CFAP52: variants seen among roughly 807,000 people sequenced by gnomAD.
CFAP52 encodes the protein cilia- and flagella-associated protein 52.
A neutral mutation model predicts 70.5 loss-of-function variants in CFAP52; 57 were observed. That is an observed-to-expected ratio of 0.81 (90% CI 0.65 to 1.01). The LOEUF (loss-of-function observed/expected upper bound fraction) is 1.01. CFAP52 is among the 50% of genes least tolerant of loss of function. The pLI, the probability that CFAP52 is intolerant of heterozygous loss-of-function variation, is 0.00. For synonymous variants in CFAP52, 267 were observed against 292.5 expected (o/e 0.91, Z 0.89); for missense variants, 785 against 788.5 (o/e 1.00, Z 0.05).
intron 5 of CFAP52, among the ~76,000 whole-genome samples, chr17:9,599,140 A>C (rs529346630): frequency 6.6e-6 from 1 of 152,186 alleles, no homozygotes; most frequent in Non-Finnish European, 1.5e-5. Flanking sequence ...GATTTTCTTC[A>C]GATTTTGGAG....
chr17:9,599,291 G>T (rs1909160699), intron 5 of CFAP52, among the ~76,000 whole-genome samples: 1 of 152,154 alleles, frequency 6.6e-6, no homozygotes, highest in African/African-American at 2.4e-5. Context: ...TAGATTTTTA[G>T]ATTTTTGGAT....
intron 12 of CFAP52, among the ~76,000 whole-genome samples, chr17:9,640,566 G>A (rs535937022): frequency 1.3e-3 from 192 of 152,238 alleles, no homozygotes; most frequent in African/African-American, 4.6e-3. Context: ...CCCGGCAAAG[G>A]ACATGATCTT....
intron 7 of CFAP52, 100 bp from the exon 8 acceptor site, chr17:9,612,208 GA>G (rs1238875924): frequency 1.4e-6 from 2 of 1,445,890 alleles, no homozygotes; most frequent in Admixed American, 3.9e-5. Flanking sequence ...GGGCGTGTCT[GA>G]AATTATATGC....
chr17:9,644,752 T>G (rs1911244979), downstream of CFAP52: 1 of 152,092 alleles, frequency 6.6e-6, no homozygotes, highest in East Asian at 1.9e-4. Flanking sequence ...TAGCAAATAC[T>G]GAGGCTGGAA....
chr17:9,634,382 C>G (rs1268668725), intron 10 of CFAP52, among the ~76,000 whole-genome samples: 1 of 152,296 alleles, frequency 6.6e-6, no homozygotes, highest in Admixed American at 6.5e-5. Flanking sequence ...TGGTGGCTCA[C>G]GCCTGTAATC....
chr17:9,600,436 T>A (rs186675771), intron 6 of CFAP52, among the ~76,000 whole-genome samples: 8 of 151,250 alleles, frequency 5.3e-5, no homozygotes, highest in Non-Finnish European at 8.8e-5. Context: ...ACAGACAGGG[T>A]TTCATCATGT....
At chr17:9,627,278 T>A (rs369876242) in intron 8 of CFAP52, among the ~76,000 whole-genome samples, 107 of 151,986 alleles carry the variant, frequency 7.0e-4, no homozygotes, top group African/African-American at 2.3e-3. Context: ...GGGAGGCCGA[T>A]GTGGGTGGAT....
At chr17:9,608,756 A>G (rs993846430) in intron 7 of CFAP52, among the ~76,000 whole-genome samples, 13 of 152,220 alleles carry the variant, frequency 8.5e-5, no homozygotes, top group African/African-American at 3.1e-4. Context: ...AACCTTATTT[A>G]TTGCCATAAC....
At chr17:9,634,876 T>G (rs1404444868) in intron 10 of CFAP52, among the ~76,000 whole-genome samples, 1 of 152,248 alleles carries the variant, frequency 6.6e-6, no homozygotes, top group African/African-American at 2.4e-5. Context: ...GTATTACCTA[T>G]GAATTTCACT....
intron 6 of CFAP52, among the ~76,000 whole-genome samples, chr17:9,607,454 G>GC (rs746705703): frequency 9.2e-5 from 14 of 152,284 alleles, no homozygotes; most frequent in African/African-American, 2.9e-4. Context: ...ACATTGTCAA[G>GC]CCTTTTTTTT....
chr17:9,631,070 G>GAAAGAAAGAAAA (rs1464484839), intron 9 of CFAP52, among the ~76,000 whole-genome samples: 2 of 130,730 alleles, frequency 1.5e-5, no homozygotes, highest in African/African-American at 3.1e-5. Flanking sequence ...AAGAAAGAAA[G>GAAAGAAAGAAAA]AAAGAAAGAA....
chr17:9,631,028 A>AGAGAG (rs1910479353), intron 9 of CFAP52, among the ~76,000 whole-genome samples: 3 of 44,736 alleles, frequency 6.7e-5, no homozygotes, highest in African/African-American at 3.6e-4. Context: ...GAAAGAAAGA[A>AGAGAG]AGAGAGAGAG....
At chr17:9,599,413 C>CT (rs1909164876) in intron 5 of CFAP52, among the ~76,000 whole-genome samples, 1 of 152,134 alleles carries the variant, frequency 6.6e-6, no homozygotes, top group South Asian at 2.1e-4. Flanking sequence ...AATGTACATC[C>CT]TTTTTGGAGG....
intron 8 of CFAP52, among the ~76,000 whole-genome samples, chr17:9,616,158 G>C (rs1210347569): frequency 6.6e-6 from 1 of 151,210 alleles, no homozygotes. Flanking sequence ...TGCGCGAGCC[G>C]AAGCAGGTCG....
intron 10 of CFAP52, 128 bp from the exon 11 acceptor site, chr17:9,635,277 G>A: frequency 2.3e-6 from 3 of 1,323,944 alleles, no homozygotes; most frequent in Non-Finnish European, 3.1e-6. Context: ...CCACCCAACC[G>A]AGACAAAGAC....
intron 9 of CFAP52, 81 bp from the exon 10 acceptor site, chr17:9,632,807 T>C: frequency 6.5e-7 from 1 of 1,543,786 alleles, no homozygotes; most frequent in African/African-American, 1.4e-5. Context: ...CAGGCCTGCC[T>C]CTCCTTAGTG....
At chr17:9,578,776 C>A (rs919883244) in intron 1 of CFAP52, among the ~76,000 whole-genome samples, 1 of 152,174 alleles carries the variant, frequency 6.6e-6, no homozygotes, top group Non-Finnish European at 1.5e-5. Flanking sequence ...CAATTCCTGA[C>A]CTCAGGTGAT....
chr17:9,635,388 T>C lies in CFAP52; in HGVS notation c.1321-17T>C, dbSNP rs1214555391. The C allele has an allele frequency of 6.8e-6, 11 of 1,613,486 alleles. 1 individual carries two copies. Among genetic ancestry groups the C allele is most frequent in the Middle Eastern group, 1.7e-4 (1 of 5,718 alleles). ...GTCCCAAGTGTGGATCAAGATCCTG[T>C]GCTCTGTGGCTTTCAGGTGAGGGTA... On this transcript the variant is annotated splice_polypyrimidine_tract_variant and intron_variant, in intron 10 of 13. Transcript: ENST00000352665.
intron 6 of CFAP52, among the ~76,000 whole-genome samples, chr17:9,600,971 T>C (rs1427306677): frequency 6.6e-6 from 1 of 152,040 alleles, no homozygotes; most frequent in Non-Finnish European, 1.5e-5. Flanking sequence ...AAGAAAGTCA[T>C]TGGCGGCACT....
Sources: gnomAD v4.1 joint callset for allele counts (sites outside exome capture counted in the v4.1 genomes callset) on GRCh38, gnomAD v4.1.1 for gene constraint, MANE v1.5 for transcripts, NCBI Gene and HGNC (gene_info 2026-07-23, HGNC 2026-07-21) for gene names.